Variants in EFHC2 observed in about 807,000 individuals in gnomAD.
EFHC2 encodes the protein EF-hand domain-containing family member C2.
In EFHC2, 18 loss-of-function variants were observed where a neutral mutation model predicts 52.7. The ratio of observed to expected loss-of-function variants is 0.34; its 90% confidence interval spans 0.24 to 0.51. The LOEUF (loss-of-function observed/expected upper bound fraction) is 0.51. EFHC2 is among the 20% of genes least tolerant of loss of function. EFHC2 has a pLI of 0.97. For synonymous variants in EFHC2, 203 were observed against 204.1 expected (o/e 0.99, Z 0.04); for missense variants, 513 against 562.5 (o/e 0.91, Z 0.89).
intron 3 of EFHC2, among the ~76,000 whole-genome samples, chrX:44,265,084 A>T (rs967848227): frequency 1.4e-4 from 16 of 111,455 alleles, no homozygotes; most frequent in Admixed American, 2.9e-4. Flanking sequence ...ATGCTCTTCA[A>T]GCTTTAACTT....
At chrX:44,321,974 A>G (rs1013467759) in intron 1 of EFHC2, among the ~76,000 whole-genome samples, 1 of 112,115 alleles carries the variant, frequency 8.9e-6, no homozygotes, top group Non-Finnish European at 1.9e-5. Flanking sequence ...CCAGAGGCAG[A>G]ACATTCTGTT....
chrX:44,235,413 CA>C lies in EFHC2; in HGVS notation c.1314del (p.Phe438LeufsTer4). ...YGSKSNILRF[F>X]AKLVTDKCVD... is the part of the protein sequence containing the mutation. ...ACACATTTGTCTGTGACTAGTTTTG[CA>C]AAAAAACGGAGTATATTGCTTTTGG... On this transcript the variant is annotated frameshift_variant, in exon 9 of 15. Transcript: ENST00000420999. LOFTEE classifies it high-confidence loss of function. 1.7e-6 allele frequency: 2 copies of C among 1,190,733 alleles called. No homozygotes were observed. Among genetic ancestry groups the C allele is most frequent in the Non-Finnish European group, 1.1e-6 (1 of 885,274 alleles).
At chrX:44,178,903 G>A (rs1289725328) in intron 11 of EFHC2, among the ~76,000 whole-genome samples, 2 of 112,114 alleles carry the variant, frequency 1.8e-5, no homozygotes, top group Non-Finnish European at 3.8e-5. Flanking sequence ...TTTATTCAAT[G>A]CCTATTAATC....
intron 1 of EFHC2, among the ~76,000 whole-genome samples, chrX:44,329,219 G>T (rs2038071058): frequency 1.8e-5 from 2 of 111,040 alleles, no homozygotes; most frequent in African/African-American, 6.6e-5. Context: ...TTTTTTAGCA[G>T]AATAAGATTA....
intron 9 of EFHC2, among the ~76,000 whole-genome samples, 160 bp from the exon 10 acceptor site, chrX:44,232,837 G>C (rs936638462): frequency 9.0e-6 from 1 of 111,164 alleles, no homozygotes; most frequent in Non-Finnish European, 1.9e-5. Flanking sequence ...ATGAGGCAGT[G>C]AGTGAAGAAA....
chrX:44,215,858 G>GCA (rs1028796174), intron 11 of EFHC2, among the ~76,000 whole-genome samples: 61 of 109,465 alleles, frequency 5.6e-4, no homozygotes, highest in African/African-American at 1.5e-3. Flanking sequence ...ATCTTGACGT[G>GCA]CACACACACA....
intron 11 of EFHC2, among the ~76,000 whole-genome samples, chrX:44,206,982 A>C (rs1410503435): frequency 2.7e-5 from 3 of 112,085 alleles, no homozygotes; most frequent in Non-Finnish European, 5.6e-5. Context: ...TATAGTAACC[A>C]AAACAGCATG....
chrX:44,294,163 G>T (rs892756126), intron 2 of EFHC2, among the ~76,000 whole-genome samples: 4 of 110,268 alleles, frequency 3.6e-5, no homozygotes, highest in African/African-American at 1.3e-4. Flanking sequence ...TTTTGACTGT[G>T]ACCCATCACA....
intron 3 of EFHC2, among the ~76,000 whole-genome samples, chrX:44,264,448 G>T (rs2147347443): frequency 8.9e-6 from 1 of 112,056 alleles, no homozygotes; most frequent in African/African-American, 3.2e-5. Context: ...CCAGGAGCCT[G>T]CAGATCTCAA....
intron 1 of EFHC2, among the ~76,000 whole-genome samples, chrX:44,342,533 G>A (rs1284636482): frequency 9.0e-6 from 1 of 111,326 alleles, no homozygotes; most frequent in Non-Finnish European, 1.9e-5. Context: ...TTCATGCTCA[G>A]GGTTTTTTGT....
intron 2 of EFHC2, chrX:44,283,797 C>T (rs1311789724): frequency 1.3e-4 from 14 of 108,071 alleles, no homozygotes; most frequent in Admixed American, 4.0e-4. Context: ...CTTAGGACTT[C>T]TCCAGAGCAC....
intron 1 of EFHC2, among the ~76,000 whole-genome samples, chrX:44,323,390 C>T (rs976098254): frequency 1.8e-5 from 2 of 112,032 alleles, no homozygotes; most frequent in Non-Finnish European, 1.9e-5. Flanking sequence ...ATTAGGGTTA[C>T]AGGAATTCAA....
intron 11 of EFHC2, among the ~76,000 whole-genome samples, chrX:44,179,726 T>G (rs2036819228): frequency 8.9e-6 from 1 of 112,213 alleles, no homozygotes; most frequent in Non-Finnish European, 1.9e-5. Flanking sequence ...GCAAGTCAGG[T>G]CAGACAATCA....
At chrX:44,248,619 T>C (rs748579147) in intron 6 of EFHC2, among the ~76,000 whole-genome samples, 184 bp downstream of exon 6, 3 of 112,733 alleles carry the variant, frequency 2.7e-5, no homozygotes, top group Admixed American at 9.4e-5. Flanking sequence ...CTGCAATGCA[T>C]TGCATATATT....
intron 8 of EFHC2, among the ~76,000 whole-genome samples, chrX:44,236,039 T>C (rs1242521659): frequency 9.0e-6 from 1 of 110,815 alleles, no homozygotes; most frequent in African/African-American, 3.3e-5. Flanking sequence ...TTTTAAATAG[T>C]GCTTATCACT....
intron 14 of EFHC2, among the ~76,000 whole-genome samples, chrX:44,162,558 C>A (rs969169718): frequency 3.6e-5 from 4 of 111,260 alleles, no homozygotes; most frequent in Non-Finnish European, 7.5e-5. Flanking sequence ...ACAGGTATCT[C>A]CAGCTTCATC....
chrX:44,187,074 G>A (rs945496923), intron 11 of EFHC2, among the ~76,000 whole-genome samples: 1 of 101,005 alleles, frequency 9.9e-6, no homozygotes, highest in African/African-American at 3.8e-5. Flanking sequence ...AGCTATGATC[G>A]TTCTGCTGTA....
chrX:44,296,831 A>G (rs754353102), intron 2 of EFHC2, among the ~76,000 whole-genome samples: 2 of 112,320 alleles, frequency 1.8e-5, no homozygotes, highest in South Asian at 7.5e-4. Context: ...GGTGCCCAGA[A>G]CAATTGGAAA....
chrX:44,299,024 G>A (rs755507311), intron 2 of EFHC2, among the ~76,000 whole-genome samples: 22 of 110,633 alleles, frequency 2.0e-4, no homozygotes, highest in Non-Finnish European at 3.2e-4. Context: ...CATGGTGGTG[G>A]TTACATGAAT....
Sources: gnomAD v4.1 joint callset for allele counts (sites outside exome capture counted in the v4.1 genomes callset) on GRCh38, gnomAD v4.1.1 for gene constraint, MANE v1.5 for transcripts, NCBI Gene and HGNC (gene_info 2026-07-23, HGNC 2026-07-21) for gene names.